The following APP variants were observed in gnomAD, a reference collection of about 807,000 sequenced individuals.
The protein encoded by APP is amyloid beta precursor protein.
Under a neutral mutation model 101.4 loss-of-function variants are expected in APP, and 31 were observed. That is an observed-to-expected ratio of 0.31 (90% CI 0.23 to 0.41). The LOEUF is 0.41. Among genes scored for constraint, APP ranks in the 10% least tolerant of loss-of-function variants. The pLI is 1.00. For missense variants in APP, 839 were observed against 1,003.7 expected, an observed-to-expected ratio of 0.84 and a Z score of 2.22; for synonymous variants, 366 against 364.4, an observed-to-expected ratio of 1.00 and a Z score of -0.05.
intron 3 of APP, among the ~76,000 whole-genome samples, chr21:26,077,297 T>C (rs554712197): frequency 6.6e-6 from 1 of 152,238 alleles, no homozygotes; most frequent in South Asian, 2.1e-4. Context: ...TTTTCCGCTG[T>C]AGGTCTTCCC....
chr21:26,016,940 G>A (rs1415168822), intron 6 of APP, among the ~76,000 whole-genome samples: 1 of 6,656 alleles, frequency 1.5e-4, no homozygotes, highest in East Asian at 2.0e-3. Flanking sequence ...TGGGGGGCGG[G>A]GGGCGGGGGG....
At chr21:26,078,803 T>C (rs756612883) in intron 3 of APP, among the ~76,000 whole-genome samples, 1 of 152,188 alleles carries the variant, frequency 6.6e-6, no homozygotes, top group Admixed American at 6.5e-5. Context: ...CCCAGCACTT[T>C]GGGAGGCCGA....
intron 17 of APP, among the ~76,000 whole-genome samples, chr21:25,886,703 T>C (rs551656550): frequency 6.6e-6 from 1 of 152,226 alleles, no homozygotes; most frequent in South Asian, 2.1e-4. Context: ...CCTGTGATCA[T>C]TTTTGATGCT....
intron 1 of APP, among the ~76,000 whole-genome samples, chr21:26,143,265 G>A (rs900239323): frequency 1.3e-5 from 2 of 152,144 alleles, no homozygotes; most frequent in East Asian, 1.9e-4. Flanking sequence ...CTTAGCCTAG[G>A]AGTTTGAGAC....
rs201319205 is a variant in APP, at chr21:26,015,688, C to CA, written c.865+6151dup. Reference sequence around the variant, plus strand: ...AACACTATACTAGTCTATCTCTAACCAAAAAAAAACAAACCCTACCTCAAA... The same window carrying CA: ...AACACTATACTAGTCTATCTCTAACCAAAAAAAAAACAAACCCTACCTCAAA... On this transcript the variant is annotated intron_variant, in intron 6 of 17. Coordinates refer to ENST00000346798, the MANE Select transcript of APP (RefSeq NM_000484.4). 1.2e-3 allele frequency among the ~76,000 whole-genome samples: 178 copies of CA among 149,542 alleles called. 1 individual carries two copies. The highest frequency in any genetic ancestry group is 3.8e-3 in the African/African-American group (156 of 40,692).
At chr21:25,982,235 C>T in intron 9 of APP, 109 bp downstream of exon 9, 1 of 1,247,694 alleles carries the variant, frequency 8.0e-7, no homozygotes, top group Non-Finnish European at 1.2e-6. Context: ...TAGAACTTTA[C>T]ATCTTTAAAG....
In APP at chr21:26,022,116, T is replaced by C. The variant is rs1456476453; in HGVS notation, c.663-74A>G. ...AGGGAAGGAAAAGAAAAGTCGTCCA[T>C]ATGGAATTTTGGCAATTTGAGAAGA... On this transcript the variant is annotated intron_variant, in intron 5 of 17. Transcript: ENST00000346798. 3 of 1,557,048 alleles carry C rather than the reference T, an allele frequency of 1.9e-6. No homozygotes were observed. The South Asian group carries it at 3.3e-5, about 17-fold the overall frequency.
At chr21:25,914,196 C>G (rs2039222731) in intron 13 of APP, among the ~76,000 whole-genome samples, 1 of 151,986 alleles carries the variant, frequency 6.6e-6, no homozygotes, top group Non-Finnish European at 1.5e-5. Flanking sequence ...CCGACAAATC[C>G]TTTTGCATTC....
chr21:26,101,136 T>C, intron 2 of APP, among the ~76,000 whole-genome samples: 1 of 142,556 alleles, frequency 7.0e-6, no homozygotes, highest in Non-Finnish European at 1.5e-5. Flanking sequence ...AGTCTCACTC[T>C]GTCGCCAGGC....
At chr21:26,105,990 T>C (rs1279508902) in intron 2 of APP, among the ~76,000 whole-genome samples, 2 of 152,204 alleles carry the variant, frequency 1.3e-5, no homozygotes, top group African/African-American at 4.8e-5. Context: ...CTAGTCCTGA[T>C]ACTGAGTCCC....
intron 13 of APP, among the ~76,000 whole-genome samples, chr21:25,923,306 G>C (rs1328010581): frequency 6.8e-6 from 1 of 146,782 alleles, no homozygotes; most frequent in Non-Finnish European, 1.5e-5. Context: ...TTACCATTCA[G>C]GACATAGGCG....
At chr21:26,126,532 G>A (rs2062687718) in intron 1 of APP, among the ~76,000 whole-genome samples, 1 of 152,090 alleles carries the variant, frequency 6.6e-6, no homozygotes. Flanking sequence ...AACTACATGG[G>A]TCCTAGGCCA....
intron 13 of APP, chr21:25,945,986 T>C (rs374190988): frequency 6.7e-6 from 3 of 445,984 alleles, no homozygotes; most frequent in Non-Finnish European, 1.4e-5. Context: ...CTGGCAAGAA[T>C]AGTCTTTTTC....
At chr21:26,043,223 TTTTTCTTTTC>T (rs368091347) in intron 5 of APP, among the ~76,000 whole-genome samples, 3 of 148,222 alleles carry the variant, frequency 2.0e-5, no homozygotes, top group East Asian at 2.0e-4. Context: ...TATTCCTTAG[TTTTTCTTTTC>T]TTTTCTTTTC....
rs941724747 is a variant in APP at position 25,957,697 on chromosome 21, GA to G, written c.1459-1943del. Among the ~76,000 whole-genome samples the G allele has an allele frequency of 1.9e-3, 264 of 142,020 alleles. 2 individuals are homozygous for G. The highest frequency in any genetic ancestry group is 0.016 in the East Asian group (81 of 4,930). 93.2% of individuals were successfully genotyped at this position (142,020 alleles called of 152,430 possible). A position where few individuals can be genotyped will look rare whatever the true frequency, so the allele number is the denominator to read the frequency against. On this transcript the variant is annotated intron_variant, in intron 11 of 17. Coordinates refer to ENST00000346798, the MANE Select transcript of APP (RefSeq NM_000484.4). ...GATGAATTTTTAAGAGTTTAAATAAGAAAAAAAAAAAGCACTTCAATTAAAA... is the reference window on the plus strand; with the variant it reads ...GATGAATTTTTAAGAGTTTAAATAAGAAAAAAAAAAGCACTTCAATTAAAA...
intron 1 of APP, among the ~76,000 whole-genome samples, chr21:26,116,626 C>T (rs1338077482): frequency 6.6e-6 from 1 of 152,096 alleles, no homozygotes; most frequent in African/African-American, 2.4e-5. Flanking sequence ...AACAGGGTCT[C>T]AACTAGGAGG....
At chr21:25,984,008 C>T (rs765796161) in intron 8 of APP, among the ~76,000 whole-genome samples, 4 of 152,094 alleles carry the variant, frequency 2.6e-5, no homozygotes, top group Non-Finnish European at 5.9e-5. Context: ...GATAACATGC[C>T]GCAGGACATG....
intron 14 of APP, among the ~76,000 whole-genome samples, chr21:25,909,266 CAAA>C (rs35504500): frequency 6.6e-5 from 5 of 76,226 alleles, no homozygotes; most frequent in East Asian, 3.3e-4. Flanking sequence ...GACTCCGTCT[CAAA>C]AAAAAAAAAA....
intron 3 of APP, among the ~76,000 whole-genome samples, chr21:26,057,480 C>T (rs1313212969): frequency 1.5e-5 from 2 of 136,284 alleles, no homozygotes; most frequent in African/African-American, 6.0e-5. Flanking sequence ...ACACCACACA[C>T]ACACACACAC....
Sources: allele counts gnomAD v4.1 joint callset (sites outside exome capture counted in the v4.1 genomes callset), GRCh38; gene constraint gnomAD v4.1.1; transcripts MANE v1.5; gene names NCBI Gene and HGNC (gene_info 2026-07-23, HGNC 2026-07-21).